ZBTB20: variants seen among roughly 807,000 people sequenced by gnomAD.
ZBTB20 encodes the protein zinc finger and BTB domain-containing protein 20.
A neutral mutation model predicts 56.9 loss-of-function variants in ZBTB20; 9 were observed. The ratio of observed to expected loss-of-function variants is 0.16; its 90% CI spans 0.10 to 0.28. The LOEUF (loss-of-function observed/expected upper bound fraction) is 0.28. ZBTB20 is among the 10% of genes least tolerant of loss of function. ZBTB20 has a pLI of 1.00. For missense variants in ZBTB20, 655 were observed against 1,003.0 expected (o/e 0.65, Z 4.69); for synonymous variants, 417 against 420.7 (o/e 0.99, Z 0.11).
At chr3:114,642,307 G>T (rs1338997179) in intron 6 of ZBTB20, among the ~76,000 whole-genome samples, 2 of 152,008 alleles carry the variant, frequency 1.3e-5, no homozygotes, top group Non-Finnish European at 2.9e-5. Flanking sequence ...TGTTTAACAA[G>T]CCCCTCTTTT....
At chr3:114,440,046 A>G (rs1354224482) in intron 7 of ZBTB20, among the ~76,000 whole-genome samples, 2 of 152,126 alleles carry the variant, frequency 1.3e-5, no homozygotes, top group African/African-American at 2.4e-5. Flanking sequence ...AGGCTCAGCC[A>G]TCATTTTCAA....
rs544396948 is a variant in ZBTB20, at chr3:114,573,246, G to C, written c.-294-72855C>G. Among the ~76,000 whole-genome samples the C allele has an allele frequency of 1.2e-4, 18 of 152,220 alleles. No homozygotes were observed. The East Asian group carries it at 3.5e-3, about 29-fold the overall frequency. On this transcript the variant is annotated intron_variant, in intron 6 of 11. Transcript: ENST00000675478. ...AGGTTGAGGCAGGTGGATCCCCTGA[G>C]CTCAGGAGTTCGAGACCACCCTAGG...
At chr3:114,819,153 A>G (rs1282606085) in intron 4 of ZBTB20, among the ~76,000 whole-genome samples, 3 of 151,982 alleles carry the variant, frequency 2.0e-5, no homozygotes, top group Non-Finnish European at 4.4e-5. Flanking sequence ...ACAAGAACAT[A>G]GCATGCCTAT....
chr3:114,920,814 G>A (rs369551543), intron 3 of ZBTB20, among the ~76,000 whole-genome samples: 4 of 151,822 alleles, frequency 2.6e-5, no homozygotes, highest in Admixed American at 6.6e-5. Context: ...CTAAGAGTTC[G>A]TTTTTTGAAG....
rs1393941032 is a variant in ZBTB20 at position 114,334,942 on chromosome 3, T to A, written c.*4063A>T. ...CCTGTGTAGAATTGTAACAGATCCATGTGTTCCAATTATTTTCTTTTTTAG... is the reference window on the plus strand; with the variant it reads ...CCTGTGTAGAATTGTAACAGATCCAAGTGTTCCAATTATTTTCTTTTTTAG... On this transcript the variant is annotated 3_prime_UTR_variant, in exon 12 of 12. Transcript: ENST00000675478. 6.6e-6 allele frequency: 1 copy of A among 152,212 alleles called. No homozygotes were observed. Among genetic ancestry groups the A allele is most frequent in the Admixed American group, 6.5e-5 (1 of 15,286 alleles). 9.4% of individuals were successfully genotyped at this position (152,212 alleles called of 1,614,324 possible).
intron 6 of ZBTB20, among the ~76,000 whole-genome samples, chr3:114,653,692 T>C (rs1051639897): frequency 6.6e-5 from 10 of 151,896 alleles, no homozygotes; most frequent in Admixed American, 6.6e-5. Context: ...CCGTGTAGGA[T>C]TAATATTATT....
At chr3:114,443,388 A>C (rs1314444379) in intron 7 of ZBTB20, among the ~76,000 whole-genome samples, 1 of 152,144 alleles carries the variant, frequency 6.6e-6, no homozygotes, top group African/African-American at 2.4e-5. Flanking sequence ...AGCAGTCTTA[A>C]GCTGTTGGGG....
chr3:114,337,101 C>G lies in ZBTB20; in HGVS notation c.*1904G>C, dbSNP rs1274364868. On this transcript the variant is annotated 3_prime_UTR_variant, in exon 12 of 12. Coordinates refer to ENST00000675478, the MANE Select transcript of ZBTB20 (RefSeq NM_001348800.3). ...TCTTTTGAATGGTGGCTGTTGGCAT[C>G]TGGGAATTTTTTTGTTAATTTCCCT... The G allele has an allele frequency of 6.6e-6, 1 of 152,180 alleles. No individual in the cohort carries two copies. The highest frequency in any genetic ancestry group is 2.4e-5 in the African/African-American group (1 of 41,438). The allele number at this position is 152,180 out of a possible 1,614,324, so 9.4% of individuals were successfully genotyped here. A position where few individuals can be genotyped will look rare whatever the true frequency, so the allele number is the denominator to read the frequency against.
intron 7 of ZBTB20, among the ~76,000 whole-genome samples, chr3:114,456,644 T>C (rs570720856): frequency 1.0e-3 from 158 of 152,324 alleles, no homozygotes; most frequent in Admixed American, 1.8e-3. Flanking sequence ...TTTCCGCCCA[T>C]GAAAGTGATG....
intron 7 of ZBTB20, among the ~76,000 whole-genome samples, chr3:114,477,018 A>G (rs995212398): frequency 1.3e-5 from 2 of 152,336 alleles, no homozygotes; most frequent in Admixed American, 6.5e-5. Context: ...TCATAAGAGA[A>G]GATGTGCTTC....
intron 2 of ZBTB20, among the ~76,000 whole-genome samples, chr3:114,982,979 T>C (rs1576484367): frequency 2.0e-5 from 3 of 151,980 alleles, no homozygotes; most frequent in African/African-American, 7.2e-5. Context: ...CTACACACCA[T>C]AATAAAACAA....
chr3:114,473,474 T>C (rs1033777504), intron 7 of ZBTB20, among the ~76,000 whole-genome samples: 1 of 152,124 alleles, frequency 6.6e-6, no homozygotes, highest in Non-Finnish European at 1.5e-5. Flanking sequence ...GGAGTGAACC[T>C]AAGAGGTTTT....
At chr3:115,050,281 T>C (rs2081494978) in intron 2 of ZBTB20, among the ~76,000 whole-genome samples, 1 of 151,984 alleles carries the variant, frequency 6.6e-6, no homozygotes, top group Non-Finnish European at 1.5e-5. Flanking sequence ...TAAATTAAAA[T>C]ATTATTTTAT....
At chr3:114,872,335 T>A (rs565547084) in intron 4 of ZBTB20, among the ~76,000 whole-genome samples, 12 of 152,156 alleles carry the variant, frequency 7.9e-5, no homozygotes, top group African/African-American at 2.9e-4. Flanking sequence ...ACAGGTCTGA[T>A]GTAGAAAACA....
intron 10 of ZBTB20, among the ~76,000 whole-genome samples, chr3:114,376,859 CAGA>C (rs2083698362): frequency 6.6e-6 from 1 of 152,136 alleles, no homozygotes; most frequent in Admixed American, 6.5e-5. Context: ...GGATCTACAG[CAGA>C]AGTAGGGAGG....
intron 5 of ZBTB20, among the ~76,000 whole-genome samples, chr3:114,784,667 C>T (rs186650788): frequency 6.6e-6 from 1 of 152,230 alleles, no homozygotes; most frequent in African/African-American, 2.4e-5. Flanking sequence ...TTCATAATTT[C>T]TATTAACTTG....
intron 6 of ZBTB20, among the ~76,000 whole-genome samples, chr3:114,511,761 C>T (rs1023463848): frequency 2.0e-5 from 3 of 152,014 alleles, no homozygotes; most frequent in African/African-American, 7.2e-5. Flanking sequence ...AACACATTTG[C>T]TACTGCTCCC....
At chr3:114,409,692 A>G (rs2087739488) in intron 7 of ZBTB20, among the ~76,000 whole-genome samples, 1 of 152,160 alleles carries the variant, frequency 6.6e-6, no homozygotes, top group East Asian at 1.9e-4. Flanking sequence ...AAAAAAATCA[A>G]AGCTATGTTT....
At chr3:114,781,467 G>A (rs1339650191) in intron 5 of ZBTB20, among the ~76,000 whole-genome samples, 1 of 152,128 alleles carries the variant, frequency 6.6e-6, no homozygotes, top group East Asian at 1.9e-4. Context: ...CTTTCAAATG[G>A]CTGCCTAACT....
Sources: allele counts gnomAD v4.1 joint callset (sites outside exome capture counted in the v4.1 genomes callset), GRCh38; gene constraint gnomAD v4.1.1; transcripts MANE v1.5; gene names NCBI Gene and HGNC (gene_info 2026-07-23, HGNC 2026-07-21).